Variants in NSUN4 observed in about 807,000 individuals in gnomAD.
NSUN4 encodes NOP2/Sun RNA methyltransferase 4.
A neutral mutation model predicts 43.8 loss-of-function variants in NSUN4; 31 were observed. That is an observed-to-expected ratio of 0.71 (90% CI 0.53 to 0.96). NSUN4 has a LOEUF of 0.96. NSUN4 is among the 40% of genes least tolerant of loss of function. The pLI is 0.00. For synonymous variants in NSUN4, 167 were observed against 184.1 expected, an observed-to-expected ratio of 0.91 and a Z score of 0.75; for missense variants, 439 against 475.6, an observed-to-expected ratio of 0.92 and a Z score of 0.72.
At chr1:46,374,700 A>G in the NSUN4 span, among the ~76,000 whole-genome samples, 1 of 152,204 alleles carries the variant, frequency 6.6e-6, no homozygotes, top group Non-Finnish European at 1.5e-5. Context: ...CTTGAAAATT[A>G]CTAACAGAAT....
intron 4 of NSUN4, among the ~76,000 whole-genome samples, chr1:46,358,171 C>T (rs1401066769): frequency 6.6e-6 from 1 of 152,220 alleles, no homozygotes; most frequent in African/African-American, 2.4e-5. Flanking sequence ...TCTTGGTTCA[C>T]TGCAACCTCC....
At chr1:46,358,549 G>A (rs976720573) in intron 4 of NSUN4, among the ~76,000 whole-genome samples, 1 of 151,090 alleles carries the variant, frequency 6.6e-6, no homozygotes. Flanking sequence ...CTACAGGTGC[G>A]TGCCACCACA....
At chr1:46,383,302 G>A in the NSUN4 span, among the ~76,000 whole-genome samples, 25 of 149,098 alleles carry the variant, frequency 1.7e-4, no homozygotes, top group African/African-American at 4.6e-4. Context: ...CTGGCGCACC[G>A]GAAGCCCCAT....
At position 46,342,038 on chromosome 1, in the gene NSUN4, T is replaced by G. The variant is rs143422258; in HGVS notation, c.93+1119T>G. On this transcript the variant is annotated intron_variant, in intron 1 of 5. Transcript: ENST00000474844. ...TGGAAACTGGACCCATGATTTCGCC[T>G]CCTCCTACACATAGGACCCCGGGAA... is the stretch of plus-strand genomic sequence containing the variant. 4.9e-4 allele frequency: 511 copies of G among 1,039,888 alleles called. 2 individuals carry two copies. The African/African-American group carries it at 7.9e-3, about 16-fold the overall frequency. The allele number at this position is 1,039,888 out of a possible 1,614,324, so 64.4% of individuals were successfully genotyped here.
At chr1:46,345,298 ATATGT>A (rs1312981035) in intron 2 of NSUN4, 154 bp downstream of exon 2, 2 of 592,582 alleles carry the variant, frequency 3.4e-6, no homozygotes, top group Non-Finnish European at 5.9e-6. Flanking sequence ...GGTGCTGTAC[ATATGT>A]TATCTCTTTT....
downstream of NSUN4, chr1:46,365,047 T>A (rs561732463): frequency 2.0e-5 from 3 of 152,380 alleles, no homozygotes; most frequent in African/African-American, 7.2e-5. Flanking sequence ...GATAATCCTT[T>A]CAAATATTTG....
rs1168296270 is a variant in NSUN4, at chr1:46,363,159, AG to A, written c.*1316del. 1 of 151,944 alleles carries A rather than the reference AG, an allele frequency of 6.6e-6. No individual in the cohort carries two copies. Among genetic ancestry groups the A allele is most frequent in the Non-Finnish European group, 1.5e-5 (1 of 67,992 alleles). 9.4% of individuals were successfully genotyped at this position (151,944 alleles called of 1,614,324 possible). On this transcript the variant is annotated 3_prime_UTR_variant, in exon 6 of 6. Transcript: ENST00000474844. ...TGGGTATTAGAGGTGTCAGTTGAGG[AG>A]GGACTTTAGCTGAGGTTAAGCCTTC...
chr1:46,367,971 C>T (rs1427569298), downstream of NSUN4, among the ~76,000 whole-genome samples: 1 of 151,796 alleles, frequency 6.6e-6, no homozygotes, highest in African/African-American at 2.4e-5. Context: ...CGCCATGTTG[C>T]CCAGGCTGGT....
chr1:46,361,501 G>A, intron 5 of NSUN4, 69 bp from the exon 6 acceptor site: 1 of 1,439,744 alleles, frequency 6.9e-7, no homozygotes. Context: ...CATGTTTCCA[G>A]CTCCTTATGT....
chr1:46,377,312 A>C, the NSUN4 span, among the ~76,000 whole-genome samples: 1 of 152,162 alleles, frequency 6.6e-6, no homozygotes. Context: ...GGCCTCCTGA[A>C]GTGTTGAGAT....
rs1664088992 is a variant in NSUN4 at position 46,364,866 on chromosome 1, T to G, written c.*3020T>G. On this transcript the variant is annotated 3_prime_UTR_variant, in exon 6 of 6. Transcript: ENST00000474844. ...GGATGCCTCACATAGATCATGATGA[T>G]TCAATCCAAAGGCACTTTGCAGTGC... The G allele has an allele frequency of 6.6e-6, 1 of 152,204 alleles. No homozygotes were observed. Among genetic ancestry groups the G allele is most frequent in the African/African-American group, 2.4e-5 (1 of 41,444 alleles). The allele number at this position is 152,204 out of a possible 1,614,324, so 9.4% of individuals were successfully genotyped here.
At chr1:46,375,694 G>A in the NSUN4 span, among the ~76,000 whole-genome samples, 3 of 130,638 alleles carry the variant, frequency 2.3e-5, no homozygotes, top group Non-Finnish European at 4.6e-5. Flanking sequence ...CTGAAATCAT[G>A]CCACTGCACT....
chr1:46,347,887 C>CT (rs1271200610), intron 3 of NSUN4, among the ~76,000 whole-genome samples: 3 of 131,522 alleles, frequency 2.3e-5, no homozygotes, highest in Non-Finnish European at 3.4e-5. Flanking sequence ...TTTTTTTTCT[C>CT]TTTTTTTCGA....
chr1:46,382,327 T>C, the NSUN4 span, among the ~76,000 whole-genome samples: 4 of 152,158 alleles, frequency 2.6e-5, no homozygotes, highest in Non-Finnish European at 4.4e-5. Flanking sequence ...AGGGCCACTA[T>C]GCAATGAAAA....
Position 46,352,900 on chromosome 1 carries a change from C to A in NSUN4, c.625C>A (p.Arg209=), listed in dbSNP as rs373529537. The A allele has an allele frequency of 3.1e-6, 5 of 1,614,096 alleles. No individual in the cohort carries two copies. Residue 209 remains arginine, a synonymous_variant, in exon 4 of 6, where the codon CGA becomes AGA. Transcript: ENST00000474844. ...TGCTGCCAATGATCTCTCCCCGTCC[C>A]GAATAGCCAGACTACAGAAGATCCT... ...NLAANDLSPS[R]IARLQKILHS...
rs1331895284 is a variant in NSUN4, at chr1:46,362,773, G to A, written c.*927G>A. The A allele has an allele frequency of 6.6e-6, 1 of 151,932 alleles. No individual in the cohort carries two copies. The highest frequency in any genetic ancestry group is 2.1e-4 in the South Asian group (1 of 4,800). The allele number at this position is 151,932 out of a possible 1,614,324, so 9.4% of individuals were successfully genotyped here. On this transcript the variant is annotated 3_prime_UTR_variant, in exon 6 of 6. Coordinates refer to ENST00000474844, the MANE Select transcript of NSUN4 (RefSeq NM_199044.4). Reference sequence around the variant, plus strand: ...GTTTCTAGTCTGCAGCTGAGCTCTGGTGCCTGTTCTTTGGCCCACCCCCTA... The same window carrying A: ...GTTTCTAGTCTGCAGCTGAGCTCTGATGCCTGTTCTTTGGCCCACCCCCTA...
At chr1:46,370,956 G>A in the NSUN4 span, 1 of 152,482 alleles carries the variant, frequency 6.6e-6, no homozygotes, top group African/African-American at 2.4e-5. Context: ...TTTATAAAAA[G>A]CATTAGTCAT....
intron 2 of NSUN4, among the ~76,000 whole-genome samples, chr1:46,345,965 C>T (rs936839476): frequency 2.0e-5 from 3 of 149,842 alleles, no homozygotes; most frequent in African/African-American, 7.4e-5. Flanking sequence ...GCCTGGGCAA[C>T]ATGATGAAAC....
the NSUN4 span, among the ~76,000 whole-genome samples, chr1:46,376,925 T>G: frequency 6.6e-6 from 1 of 151,768 alleles, no homozygotes; most frequent in Non-Finnish European, 1.5e-5. Flanking sequence ...GCCTGGCTAA[T>G]TTTTGTATTT....
Sources: gnomAD v4.1 joint callset for allele counts (sites outside exome capture counted in the v4.1 genomes callset) on GRCh38, gnomAD v4.1.1 for gene constraint, MANE v1.5 for transcripts, NCBI Gene and HGNC (gene_info 2026-07-23, HGNC 2026-07-21) for gene names.